KCND3: variants seen among roughly 807,000 people sequenced by gnomAD.
KCND3 encodes the protein A-type voltage-gated potassium channel KCND3.
KCND3 carries 9 observed loss-of-function variants against 51.1 expected under a neutral mutation model. That is an observed-to-expected ratio of 0.18 (90% CI 0.11 to 0.31). The LOEUF (loss-of-function observed/expected upper bound fraction) is 0.31. KCND3 is among the 10% of genes least tolerant of loss of function. The pLI, the probability that KCND3 is intolerant of heterozygous loss-of-function variation, is 1.00. For synonymous variants in KCND3, 349 were observed against 368.0 expected, an observed-to-expected ratio of 0.95 and a Z score of 0.59; for missense variants, 526 against 903.8, an observed-to-expected ratio of 0.58 and a Z score of 5.36.
chr1:111,772,797 G>A lies in KCND3; in HGVS notation c.*3280C>T, dbSNP rs1407391025. 6.6e-6 allele frequency: 1 copy of A among 152,178 alleles called. No individual in the cohort carries two copies. Among genetic ancestry groups the A allele is most frequent in the African/African-American group, 2.4e-5 (1 of 41,436 alleles). The allele number at this position is 152,178 out of a possible 1,614,324, so 9.4% of individuals were successfully genotyped here. On this transcript the variant is annotated 3_prime_UTR_variant, in exon 8 of 8. Coordinates refer to ENST00000302127, the MANE Select transcript of KCND3 (RefSeq NM_001378969.1). Reference sequence around the variant, plus strand: ...TTCCCTCCCCCTCTTAATGCTGAGTGGGACTGAATGGAATAGGTGGTTTTG... The same window carrying A: ...TTCCCTCCCCCTCTTAATGCTGAGTAGGACTGAATGGAATAGGTGGTTTTG...
In KCND3 at chr1:111,981,478, G is replaced by A. The variant is rs1363985541; in HGVS notation, c.1106+143C>T. Reference sequence around the variant, plus strand: ...AGATGACTCATGGGCTTTACCCTTCGGATAGAGCAACTTCCCCTGCCCCCA... The same window carrying A: ...AGATGACTCATGGGCTTTACCCTTCAGATAGAGCAACTTCCCCTGCCCCCA... On this transcript the variant is annotated intron_variant, in intron 2 of 7. Coordinates refer to ENST00000302127, the MANE Select transcript of KCND3 (RefSeq NM_001378969.1). The surrounding 1 kb of genome is among the most constrained non-coding windows in gnomAD (Gnocchi z 6.2). 1.1e-5 allele frequency: 13 copies of A among 1,221,178 alleles called. No homozygotes were observed. The highest frequency in any genetic ancestry group is 1.3e-5 in the South Asian group (1 of 75,936). 75.6% of individuals were successfully genotyped at this position (1,221,178 alleles called of 1,614,324 possible).
At position 111,982,722 on chromosome 1, in the gene KCND3, G is replaced by T. The variant is rs201340369; in HGVS notation, c.5C>A (p.Ala2Glu). 9.8e-4 allele frequency: 1,563 copies of T among 1,602,190 alleles called. 1 individual carries two copies. The highest frequency in any genetic ancestry group is 1.3e-3 in the Non-Finnish European group (1,487 of 1,178,944). The change falls in exon 2 of 8, where the codon GCG becomes GAG. Residue 2 changes from alanine (A) to glutamate (E), a missense_variant. Physicochemically the swap from Ala to Glu is moderately radical, Grantham distance 107 (BLOSUM62 -1). Around this residue, in one of 5 missense-constraint regions of KCND3, gnomAD observed 159 missense variants for 262.8 expected, o/e 0.61. Transcript: ENST00000302127. This position sits in a 1 kb window ranked among gnomAD's most constrained non-coding sequence, Gnocchi z 8.5. M[A>E]AGVAAWLPFA... ...AGGCAGCCAGGCCGCAACTCCGGCC[G>T]CCATGGTGACTCCAGCTCTTGGGCC...
intron 2 of KCND3, among the ~76,000 whole-genome samples, chr1:111,919,108 G>A (rs970410276): frequency 3.3e-5 from 5 of 151,520 alleles, no homozygotes; most frequent in Non-Finnish European, 7.4e-5. Context: ...CAGCAAAAAT[G>A]TCTTGAGTAC....
intron 6 of KCND3, 143 bp from the exon 7 acceptor site, chr1:111,777,416 G>A (rs1664177173): frequency 1.2e-6 from 1 of 865,538 alleles, no homozygotes. Flanking sequence ...TAAGCATTCA[G>A]GAGGGGTGAT....
chr1:111,860,054 T>A (rs1668264044), intron 2 of KCND3, among the ~76,000 whole-genome samples: 1 of 152,244 alleles, frequency 6.6e-6, no homozygotes, highest in African/African-American at 2.4e-5. Flanking sequence ...TTGGTGCTAT[T>A]CTGATATAGC....
intron 2 of KCND3, among the ~76,000 whole-genome samples, chr1:111,811,820 A>T (rs904638788): frequency 5.3e-5 from 8 of 152,228 alleles, no homozygotes. Context: ...ATAGGTAAGT[A>T]TCATTAGCAT....
At chr1:111,893,514 T>G (rs1340687354) in intron 2 of KCND3, among the ~76,000 whole-genome samples, 8 of 152,214 alleles carry the variant, frequency 5.3e-5, no homozygotes, top group African/African-American at 1.9e-4. Context: ...GGAATATTTT[T>G]GAAAATTCCT....
intron 2 of KCND3, among the ~76,000 whole-genome samples, chr1:111,867,854 T>G (rs1339113338): frequency 6.6e-6 from 1 of 152,210 alleles, no homozygotes; most frequent in East Asian, 1.9e-4. Flanking sequence ...TCTTCATAGG[T>G]AAGAGCACAG....
chr1:111,801,867 T>C (rs527349612), intron 2 of KCND3, among the ~76,000 whole-genome samples: 1 of 151,898 alleles, frequency 6.6e-6, no homozygotes, highest in Non-Finnish European at 1.5e-5. Flanking sequence ...TCTTGAAGGA[T>C]TGTACAGGGT....
intron 2 of KCND3, among the ~76,000 whole-genome samples, chr1:111,895,043 TGGAGAG>T (rs912208457): frequency 8.1e-6 from 1 of 122,800 alleles, no homozygotes; most frequent in Non-Finnish European, 1.7e-5. Flanking sequence ...GAGGGAGATG[TGGAGAG>T]GGAGAGGAAG....
chr1:111,897,589 T>TGG (rs925081007), intron 2 of KCND3, among the ~76,000 whole-genome samples: 3 of 152,128 alleles, frequency 2.0e-5, no homozygotes, highest in African/African-American at 7.2e-5. Context: ...TCTGCCTATG[T>TGG]GGGGCCAGGT....
chr1:111,927,843 T>A (rs1477346505), intron 2 of KCND3, among the ~76,000 whole-genome samples: 2 of 152,184 alleles, frequency 1.3e-5, no homozygotes, highest in Non-Finnish European at 2.9e-5. Context: ...GGCTCACTCC[T>A]CTTCCCTCTC....
chr1:111,873,464 C>A (rs1226526119), intron 2 of KCND3, among the ~76,000 whole-genome samples: 2 of 152,190 alleles, frequency 1.3e-5, no homozygotes, highest in African/African-American at 2.4e-5. Flanking sequence ...GAGAGTCTTA[C>A]ACCAGTAGCC....
chr1:111,945,289 C>A (rs1301287722), intron 2 of KCND3, among the ~76,000 whole-genome samples: 1 of 152,172 alleles, frequency 6.6e-6, no homozygotes, highest in Admixed American at 6.5e-5. Context: ...GCTCGGCATG[C>A]ACAGGAGGGG....
intron 2 of KCND3, among the ~76,000 whole-genome samples, chr1:111,861,620 C>T (rs1049868833): frequency 2.0e-5 from 3 of 152,142 alleles, no homozygotes; most frequent in Non-Finnish European, 4.4e-5. Flanking sequence ...GAACATGTCA[C>T]CCTCTCCTAT....
At chr1:111,796,987 G>T (rs911873494) in intron 2 of KCND3, among the ~76,000 whole-genome samples, 12 of 152,174 alleles carry the variant, frequency 7.9e-5, no homozygotes, top group African/African-American at 2.9e-4. Flanking sequence ...CAATAATCTT[G>T]TCTTGCCACC....
intron 2 of KCND3, among the ~76,000 whole-genome samples, chr1:111,831,480 G>A (rs1246005814): frequency 6.6e-6 from 1 of 152,106 alleles, no homozygotes; most frequent in East Asian, 1.9e-4. Context: ...GTTTCCTGAG[G>A]CCTCCCCAGC....
intron 2 of KCND3, among the ~76,000 whole-genome samples, chr1:111,876,452 T>C (rs1025544958): frequency 6.6e-6 from 1 of 152,164 alleles, no homozygotes; most frequent in Non-Finnish European, 1.5e-5. Context: ...GAGGCCCTCT[T>C]CGGATCAATT....
At chr1:111,896,508 C>T (rs1033324928) in intron 2 of KCND3, among the ~76,000 whole-genome samples, 9 of 152,224 alleles carry the variant, frequency 5.9e-5, no homozygotes, top group Admixed American at 1.3e-4. Flanking sequence ...ACAGAAACTA[C>T]GCAGTGCCAT....
Sources: allele counts gnomAD v4.1 joint callset (sites outside exome capture counted in the v4.1 genomes callset), GRCh38; gene constraint gnomAD v4.1.1; regional missense constraint gnomAD v4.1.1; non-coding constraint Gnocchi (gnomAD v3.1); transcripts MANE v1.5; gene names NCBI Gene and HGNC (gene_info 2026-07-23, HGNC 2026-07-21).